The following NOS1 variants were observed in gnomAD, a reference collection of about 807,000 sequenced individuals.
The protein encoded by NOS1 is nitric oxide synthase 1.
NOS1 carries 51 observed loss-of-function variants against 164.5 expected under a neutral mutation model. That is an observed-to-expected ratio of 0.31 (90% CI 0.25 to 0.39). The LOEUF is 0.39. Among genes scored for constraint, NOS1 ranks in the 10% least tolerant of loss-of-function variants. The probability of loss-of-function intolerance (pLI) is 1.00; values close to 1 mark genes in which losing one functional copy is unlikely to be tolerated. For missense variants in NOS1, 1,362 were observed against 1,885.6 expected (o/e 0.72, Z 5.14); for synonymous variants, 719 against 745.8 (o/e 0.96, Z 0.59).
intron 10 of NOS1, among the ~76,000 whole-genome samples, chr12:117,269,460 A>ATTTTTTT (rs200222625): frequency 2.7e-5 from 3 of 110,038 alleles, no homozygotes; most frequent in African/African-American, 4.5e-5. Flanking sequence ...ATCTCTGGAG[A>ATTTTTTT]TTTGTTTTTT....
Position 117,258,576 on chromosome 12 carries a change from T to A in NOS1, c.2473-121A>T, listed in dbSNP as rs1592958820. The A allele has an allele frequency of 9.8e-6, 9 of 920,702 alleles. No homozygotes were observed. In the East Asian group the frequency reaches 2.0e-4, roughly 21 times the overall value. 57.0% of individuals were successfully genotyped at this position (920,702 alleles called of 1,614,324 possible). A position where few individuals can be genotyped will look rare whatever the true frequency, so the allele number is the denominator to read the frequency against. On this transcript the variant is annotated intron_variant, in intron 15 of 28. Coordinates refer to ENST00000317775, the MANE Select transcript of NOS1 (RefSeq NM_000620.5). ...AGACTGATGCCCGGAGGCCAGGATG[T>A]CAGGAGCGGTCAGGGGCTCAGGCTG...
At chr12:117,218,274 C>A in intron 27 of NOS1, 110 bp from the exon 28 acceptor site, 1 of 812,542 alleles carries the variant, frequency 1.2e-6, no homozygotes, top group Non-Finnish European at 2.1e-6. Context: ...GAAGATGGTT[C>A]CCAAAGAGAT....
chr12:117,264,010 G>T, intron 12 of NOS1, 36 bp from the exon 13 acceptor site: 2 of 1,542,642 alleles, frequency 1.3e-6, no homozygotes, highest in Non-Finnish European at 1.8e-6. Flanking sequence ...GTCACTCACT[G>T]CAGTGAGGGC....
chr12:117,293,013 C>G (rs529815239), intron 3 of NOS1, among the ~76,000 whole-genome samples: 1 of 152,242 alleles, frequency 6.6e-6, no homozygotes, highest in South Asian at 2.1e-4. Flanking sequence ...TACGTGCTAG[C>G]CAGGCAAGGA....
At chr12:117,318,614 G>A (rs759843353) in intron 2 of NOS1, among the ~76,000 whole-genome samples, 6 of 152,206 alleles carry the variant, frequency 3.9e-5, no homozygotes, top group Non-Finnish European at 8.8e-5. Flanking sequence ...CCTCTTGCAC[G>A]GAAGGAAAAG....
chr12:117,324,457 C>T (rs577353639), intron 2 of NOS1, among the ~76,000 whole-genome samples: 16 of 152,246 alleles, frequency 1.1e-4, no homozygotes, highest in East Asian at 5.8e-4. Context: ...CAGCCAGGCA[C>T]GGTGGCTCAC....
chr12:117,320,408 A>G (rs1874860520), intron 2 of NOS1, among the ~76,000 whole-genome samples: 1 of 152,168 alleles, frequency 6.6e-6, no homozygotes, highest in African/African-American at 2.4e-5. Context: ...AGGGACCACA[A>G]GCTAAAGGAT....
chr12:117,266,020 C>G (rs1294708969), intron 11 of NOS1, among the ~76,000 whole-genome samples: 2 of 151,462 alleles, frequency 1.3e-5, no homozygotes, highest in Admixed American at 1.3e-4. Flanking sequence ...AGGATGGTCT[C>G]GATCTCCTGA....
chr12:117,280,948 C>T (rs1873600584), intron 7 of NOS1, 82 bp from the exon 8 acceptor site: 10 of 1,505,332 alleles, frequency 6.6e-6, no homozygotes, highest in East Asian at 4.6e-5. Context: ...CCACCCAGGG[C>T]GACAGCTGCT....
chr12:117,313,809 C>A (rs1874548669), intron 2 of NOS1, among the ~76,000 whole-genome samples: 1 of 152,210 alleles, frequency 6.6e-6, no homozygotes, highest in Admixed American at 6.5e-5. Context: ...TTCCCAACAG[C>A]CTTTCTCCTT....
At chr12:117,305,336 C>A (rs12422515) in intron 3 of NOS1, among the ~76,000 whole-genome samples, 1 of 151,950 alleles carries the variant, frequency 6.6e-6, no homozygotes, top group African/African-American at 2.4e-5. Context: ...TGGTGGTGGG[C>A]GCCTGTAGTC....
chr12:117,257,965 C>T (rs1490224786), intron 16 of NOS1, among the ~76,000 whole-genome samples: 3 of 151,960 alleles, frequency 2.0e-5, no homozygotes, highest in Non-Finnish European at 2.9e-5. Context: ...CCACCACGCC[C>T]GCCTAATTTT....
intron 7 of NOS1, among the ~76,000 whole-genome samples, chr12:117,283,791 GGTTGCAGTGA>G: frequency 6.9e-6 from 1 of 145,436 alleles, no homozygotes; most frequent in East Asian, 2.1e-4. Context: ...GGGAGGTGGA[GGTTGCAGTGA>G]GCCAAGATTG....
intron 2 of NOS1, among the ~76,000 whole-genome samples, chr12:117,325,918 T>C (rs1353195571): frequency 6.6e-6 from 1 of 152,268 alleles, no homozygotes; most frequent in East Asian, 1.9e-4. Flanking sequence ...GTTACTTTTA[T>C]GAGGTCCCCT....
chr12:117,220,017 G>A (rs1956676175), intron 27 of NOS1, 58 bp downstream of exon 27: 2 of 1,499,450 alleles, frequency 1.3e-6, no homozygotes, highest in East Asian at 2.3e-5. Flanking sequence ...GGATGAAAAA[G>A]GGGGGATAGG....
intron 2 of NOS1, among the ~76,000 whole-genome samples, chr12:117,314,241 A>G (rs557404877): frequency 6.6e-6 from 1 of 152,162 alleles, no homozygotes; most frequent in Non-Finnish European, 1.5e-5. Flanking sequence ...GTGGCTCTTG[A>G]TTACAGGCAT....
intron 3 of NOS1, among the ~76,000 whole-genome samples, chr12:117,297,412 A>G (rs988530085): frequency 6.6e-6 from 1 of 151,036 alleles, no homozygotes; most frequent in Non-Finnish European, 1.5e-5. Flanking sequence ...TTTTTTTGAG[A>G]TAGAGTTTTG....
chr12:117,301,206 C>A (rs1467788035), intron 3 of NOS1, among the ~76,000 whole-genome samples: 1 of 152,150 alleles, frequency 6.6e-6, no homozygotes, highest in Non-Finnish European at 1.5e-5. Flanking sequence ...TGGCTCACTG[C>A]AACCTCTGTC....
chr12:117,229,823 A>G (rs1436551078), intron 22 of NOS1, among the ~76,000 whole-genome samples: 1 of 152,224 alleles, frequency 6.6e-6, no homozygotes, highest in East Asian at 1.9e-4. Flanking sequence ...GCCTGACCTC[A>G]GGTGATCCGC....
Sources: gnomAD v4.1 joint callset for allele counts (sites outside exome capture counted in the v4.1 genomes callset) on GRCh38, gnomAD v4.1.1 for gene constraint, MANE v1.5 for transcripts, NCBI Gene and HGNC (gene_info 2026-07-23, HGNC 2026-07-21) for gene names.